The following PIGL variants were observed in gnomAD, a reference collection of about 807,000 sequenced individuals.
The protein encoded by PIGL is phosphatidylinositol glycan anchor biosynthesis class L, also known as N-acetylglucosaminyl-phosphatidylinositol de-N-acetylase.
In PIGL, 22 loss-of-function variants were observed where a neutral mutation model predicts 31.1. The ratio of observed to expected loss-of-function variants is 0.71; its 90% CI spans 0.51 to 1.01. The LOEUF (loss-of-function observed/expected upper bound fraction) is 1.01. PIGL is among the 50% of genes least tolerant of loss of function. The pLI, the probability that PIGL is intolerant of heterozygous loss-of-function variation, is 0.00. For synonymous variants in PIGL, 131 were observed against 117.4 expected (o/e 1.12, Z -0.75); for missense variants, 302 against 315.9 (o/e 0.96, Z 0.33).
chr17:16,219,757 G>T (rs935851815), intron 1 of PIGL, among the ~76,000 whole-genome samples: 2 of 151,768 alleles, frequency 1.3e-5, no homozygotes, highest in Non-Finnish European at 2.9e-5. Flanking sequence ...GTAGAGCTGA[G>T]GTTTTGCTGG....
rs879772840 is a variant in PIGL, at chr17:16,265,238, G to A, written c.335+31168G>A. The stretch of plus-strand genomic sequence containing the variant: ...AGGGATATATGGTAAGGTAACTAAC[G>A]GTGACCTTAAGGGTGCTGATTAGGT... On this transcript the variant is annotated intron_variant, in intron 2 of 6. Coordinates refer to ENST00000225609, the MANE Select transcript of PIGL (RefSeq NM_004278.4). Among the ~76,000 whole-genome samples the A allele has an allele frequency of 9.2e-5, 14 of 152,252 alleles. No homozygotes were observed. The East Asian group carries it at 1.7e-3, about 19-fold the overall frequency.
intron 2 of PIGL, among the ~76,000 whole-genome samples, chr17:16,241,244 G>A (rs1308256888): frequency 2.0e-5 from 3 of 151,742 alleles, no homozygotes; most frequent in African/African-American, 4.8e-5. Flanking sequence ...GAGGAGAATT[G>A]GGTATGAAGA....
At chr17:16,317,013 C>G in intron 5 of PIGL, 1 of 1,164,122 alleles carries the variant, frequency 8.6e-7, no homozygotes, top group Non-Finnish European at 1.1e-6. Flanking sequence ...TGAACTCAAT[C>G]CCATCCCCCA....
intron 1 of PIGL, among the ~76,000 whole-genome samples, chr17:16,220,766 G>A (rs1000274036): frequency 5.9e-5 from 9 of 152,072 alleles, no homozygotes; most frequent in African/African-American, 2.2e-4. Flanking sequence ...GGGATTACAG[G>A]CGTGAGCCAC....
chr17:16,316,748 A>G (rs1233100994), intron 5 of PIGL, 36 bp downstream of exon 5: 1 of 1,607,062 alleles, frequency 6.2e-7, no homozygotes, highest in Non-Finnish European at 8.5e-7. Flanking sequence ...GCCACAAGAT[A>G]CTGTCCCTCT....
intron 6 of PIGL, among the ~76,000 whole-genome samples, chr17:16,320,222 G>GGAGA: frequency 1.1e-5 from 1 of 93,632 alleles, no homozygotes; most frequent in African/African-American, 5.5e-5. Context: ...AGGAAGGAAG[G>GGAGA]AAGGAAGGAA....
At chr17:16,229,533 G>C (rs1471660370) in intron 1 of PIGL, among the ~76,000 whole-genome samples, 1 of 114,552 alleles carries the variant, frequency 8.7e-6, no homozygotes, top group Non-Finnish European at 1.8e-5. Flanking sequence ...TGGTAATTCT[G>C]TATTTAAATT....
chr17:16,293,748 T>G (rs973071912), intron 2 of PIGL, among the ~76,000 whole-genome samples: 1 of 152,240 alleles, frequency 6.6e-6, no homozygotes, highest in African/African-American at 2.4e-5. Context: ...AGTTGTACCA[T>G]GTACCACCTA....
At chr17:16,323,614 T>C (rs2093115055) in intron 6 of PIGL, among the ~76,000 whole-genome samples, 1 of 146,738 alleles carries the variant, frequency 6.8e-6, no homozygotes, top group African/African-American at 2.5e-5. Context: ...CTGATCTTTT[T>C]TTTTTTTTTT....
At chr17:16,238,660 C>T (rs2092709719) in intron 2 of PIGL, among the ~76,000 whole-genome samples, 1 of 150,688 alleles carries the variant, frequency 6.6e-6, no homozygotes, top group Non-Finnish European at 1.5e-5. Context: ...CCTGTAATCC[C>T]AGCACTTTGG....
intron 2 of PIGL, among the ~76,000 whole-genome samples, chr17:16,294,903 A>G (rs531855584): frequency 7.2e-5 from 11 of 151,872 alleles, no homozygotes; most frequent in South Asian, 4.2e-4. Context: ...GCTGTCCCCT[A>G]TCTTAGAGGT....
chr17:16,322,916 T>G (rs1232787663), intron 6 of PIGL, among the ~76,000 whole-genome samples: 2 of 152,216 alleles, frequency 1.3e-5, no homozygotes, highest in African/African-American at 4.8e-5. Flanking sequence ...GAGTGCTGTC[T>G]TGCATTCCTA....
chr17:16,308,826 C>T (rs2093036899), intron 3 of PIGL, among the ~76,000 whole-genome samples: 1 of 149,880 alleles, frequency 6.7e-6, no homozygotes, highest in Admixed American at 6.6e-5. Flanking sequence ...CAAGGTCTCC[C>T]TCTGTTGCCC....
chr17:16,284,590 G>A (rs553433468), intron 2 of PIGL, among the ~76,000 whole-genome samples: 4 of 152,250 alleles, frequency 2.6e-5, no homozygotes, highest in African/African-American at 9.6e-5. Flanking sequence ...TGCACTTGAT[G>A]GATCAGCTGA....
At chr17:16,245,410 A>T (rs996485315) in intron 2 of PIGL, among the ~76,000 whole-genome samples, 1 of 151,972 alleles carries the variant, frequency 6.6e-6, no homozygotes, top group Non-Finnish European at 1.5e-5. Flanking sequence ...TACAAGCATG[A>T]GCCACTACAC....
chr17:16,238,411 G>A (rs902529411), intron 2 of PIGL, among the ~76,000 whole-genome samples: 3 of 149,948 alleles, frequency 2.0e-5, no homozygotes, highest in Admixed American at 6.7e-5. Flanking sequence ...AACCTTAGTG[G>A]AAGGTACTGG....
At chr17:16,284,865 G>A (rs975750146) in intron 2 of PIGL, among the ~76,000 whole-genome samples, 1 of 152,198 alleles carries the variant, frequency 6.6e-6, no homozygotes, top group African/African-American at 2.4e-5. Flanking sequence ...AGCCGGCTCT[G>A]CATGAATTAA....
chr17:16,227,780 A>G (rs1040293814), intron 1 of PIGL, among the ~76,000 whole-genome samples: 1 of 151,182 alleles, frequency 6.6e-6, no homozygotes, highest in Admixed American at 6.6e-5. Flanking sequence ...GGGTTTCTCC[A>G]TGTTGGTCAG....
intron 2 of PIGL, among the ~76,000 whole-genome samples, chr17:16,267,205 G>A (rs2092847956): frequency 6.6e-6 from 1 of 152,104 alleles, no homozygotes; most frequent in Non-Finnish European, 1.5e-5. Flanking sequence ...GTAAGCTAGA[G>A]AAAAGAAATG....
Sources: allele counts gnomAD v4.1 joint callset (sites outside exome capture counted in the v4.1 genomes callset), GRCh38; gene constraint gnomAD v4.1.1; transcripts MANE v1.5; gene names NCBI Gene and HGNC (gene_info 2026-07-23, HGNC 2026-07-21).